The following PALS1 variants were observed in gnomAD, a reference collection of about 807,000 sequenced individuals.
The protein encoded by PALS1 is protein PALS1.
PALS1 carries 31 observed loss-of-function variants against 78.9 expected under a neutral mutation model. The ratio of observed to expected loss-of-function variants is 0.39; its 90% CI spans 0.30 to 0.53. The LOEUF is 0.53. PALS1 is among the 20% of genes least tolerant of loss of function. PALS1 has a pLI of 0.67. For synonymous variants in PALS1, 276 were observed against 270.9 expected, an observed-to-expected ratio of 1.02 and a Z score of -0.18; for missense variants, 704 against 826.5, an observed-to-expected ratio of 0.85 and a Z score of 1.82.
chr14:67,290,994 G>A (rs1340608995), intron 3 of PALS1, among the ~76,000 whole-genome samples: 1 of 152,100 alleles, frequency 6.6e-6, no homozygotes, highest in Non-Finnish European at 1.5e-5. Context: ...AGAAATCTAG[G>A]TAAATATTTT....
Position 67,265,582 on chromosome 14 carries a change from C to T in PALS1, c.-236-4119C>T, listed in dbSNP as rs185044424. On this transcript the variant is annotated intron_variant, in intron 1 of 14. Coordinates refer to ENST00000261681, the MANE Select transcript of PALS1 (RefSeq NM_022474.4). ...TTTAAAAGAAAAATAAAAAAGCCAG[C>T]GCAGTGGCTCACGCCTGTAATCCCA... Among the ~76,000 whole-genome samples, 370 of 151,390 alleles carry T rather than the reference C, an allele frequency of 2.4e-3. 2 individuals are homozygous for T. The highest frequency in any genetic ancestry group is 3.6e-3 in the Non-Finnish European group (243 of 67,852).
At chr14:67,301,363 G>A (rs899213070) in intron 4 of PALS1, 26 bp from the exon 5 acceptor site, 4 of 1,552,432 alleles carry the variant, frequency 2.6e-6, no homozygotes, top group Middle Eastern at 1.7e-4. Flanking sequence ...AATCTAGGAA[G>A]AATAATCTTT....
chr14:67,302,933 T>C (rs184443152), intron 7 of PALS1, among the ~76,000 whole-genome samples: 2 of 152,336 alleles, frequency 1.3e-5, no homozygotes, highest in East Asian at 3.9e-4. Context: ...TATTTTATTA[T>C]CTGTAATTGA....
intron 9 of PALS1, among the ~76,000 whole-genome samples, chr14:67,315,189 G>A (rs1345825881): frequency 4.0e-5 from 6 of 149,558 alleles, no homozygotes; most frequent in Admixed American, 1.3e-4. Flanking sequence ...GTACATCATT[G>A]TAATGTTTTA....
At chr14:67,331,664 A>G (rs1455071724) in intron 14 of PALS1, among the ~76,000 whole-genome samples, 2 of 152,202 alleles carry the variant, frequency 1.3e-5, no homozygotes, top group Non-Finnish European at 2.9e-5. Context: ...AATAAGTGAT[A>G]TAAGCCATTT....
At chr14:67,295,849 C>G (rs2084839663) in intron 4 of PALS1, among the ~76,000 whole-genome samples, 2 of 152,144 alleles carry the variant, frequency 1.3e-5, no homozygotes, top group African/African-American at 4.8e-5. Context: ...CCAGCAATTT[C>G]ACTTGTAGGT....
In PALS1 at chr14:67,321,245, A is replaced by G. The variant is rs767723171; in HGVS notation, c.1726A>G (p.Ser576Gly). Residue 576 changes from serine to glycine, a missense_variant, in exon 13 of 15, where the codon AGT (serine) becomes GGT (glycine). Coordinates refer to ENST00000261681, the MANE Select transcript of PALS1 (RefSeq NM_022474.4). Reference sequence around the variant, plus strand: ...CAACTCTGGCAAAATATGTCTTTTAAGTCTTCGTACACAGGTAAAGCTAGA... The same window carrying G: ...CAACTCTGGCAAAATATGTCTTTTAGGTCTTCGTACACAGGTAAAGCTAGA... ...VINSGKICLLSLRTQSLKTLR... is the reference protein window; with the variant it reads ...VINSGKICLLGLRTQSLKTLR... The G allele has an allele frequency of 6.2e-7, 1 of 1,614,162 alleles. No individual in the cohort carries two copies. Among genetic ancestry groups the G allele is most frequent in the Non-Finnish European group, 8.5e-7 (1 of 1,180,008 alleles).
intron 2 of PALS1, among the ~76,000 whole-genome samples, chr14:67,276,971 T>C (rs1357419873): frequency 6.6e-6 from 1 of 152,230 alleles, no homozygotes; most frequent in Non-Finnish European, 1.5e-5. Flanking sequence ...TTAAATTTGA[T>C]TTTTAATATC....
intron 9 of PALS1, among the ~76,000 whole-genome samples, chr14:67,313,099 C>T (rs2085118200): frequency 6.6e-6 from 1 of 152,118 alleles, no homozygotes; most frequent in Non-Finnish European, 1.5e-5. Context: ...GGAAAAGTAA[C>T]ATCATAGAAT....
At chr14:67,281,177 G>A (rs1446820112) in intron 3 of PALS1, among the ~76,000 whole-genome samples, 1 of 151,748 alleles carries the variant, frequency 6.6e-6, no homozygotes, top group Non-Finnish European at 1.5e-5. Context: ...GATTACAGGT[G>A]TGAGCCACTG....
intron 2 of PALS1, among the ~76,000 whole-genome samples, chr14:67,272,497 A>C (rs2084423914): frequency 6.6e-6 from 1 of 152,218 alleles, no homozygotes; most frequent in African/African-American, 2.4e-5. Flanking sequence ...CACATAAAGA[A>C]GTGCTCAGTA....
chr14:67,281,175 G>T (rs1244311758), intron 3 of PALS1, among the ~76,000 whole-genome samples: 1 of 151,762 alleles, frequency 6.6e-6, no homozygotes, highest in Non-Finnish European at 1.5e-5. Context: ...GGGATTACAG[G>T]TGTGAGCCAC....
chr14:67,319,831 G>A (rs556660505), intron 11 of PALS1, among the ~76,000 whole-genome samples: 12 of 152,270 alleles, frequency 7.9e-5, no homozygotes, highest in East Asian at 3.9e-4. Flanking sequence ...TGTATTCAGC[G>A]TATACATTAT....
Position 67,289,768 on chromosome 14 carries a change from C to CTTTTTT in PALS1, c.368-2743_368-2742insTTTTTT, listed in dbSNP as rs1491090879. ...ACATTGGGAAGATTTTTTTCCATGT[C>CTTTTTT]CTTTTTTTTTTTTTTTTTTTTTGAG... On this transcript the variant is annotated intron_variant, in intron 3 of 14. Transcript: ENST00000261681. Among the ~76,000 whole-genome samples, 39 of 95,478 alleles carry CTTTTTT rather than the reference C, an allele frequency of 4.1e-4. 10 individuals are homozygous for CTTTTTT. Among genetic ancestry groups the CTTTTTT allele is most frequent in the Non-Finnish European group, 4.1e-4 (19 of 46,858 alleles). The allele number at this position is 95,478 out of a possible 152,430, so 62.6% of individuals were successfully genotyped here.
At chr14:67,313,758 A>G (rs146691838) in intron 9 of PALS1, among the ~76,000 whole-genome samples, 14 of 152,136 alleles carry the variant, frequency 9.2e-5, no homozygotes, top group African/African-American at 3.4e-4. Flanking sequence ...TTGAAAGCAT[A>G]TCCATTAACA....
At chr14:67,271,135 C>T (rs1475929753) in intron 2 of PALS1, 1 of 152,164 alleles carries the variant, frequency 6.6e-6, no homozygotes, top group Non-Finnish European at 1.5e-5. Context: ...CTTAATTAAG[C>T]AAACACTTAG....
At chr14:67,325,147 C>A (rs2085332621) in intron 14 of PALS1, among the ~76,000 whole-genome samples, 1 of 151,964 alleles carries the variant, frequency 6.6e-6, no homozygotes, top group Admixed American at 6.6e-5. Flanking sequence ...CCTTGTGATC[C>A]ACCCGCCTTG....
At chr14:67,255,378 CAT>C (rs1483617267) in intron 1 of PALS1, among the ~76,000 whole-genome samples, 20 of 152,238 alleles carry the variant, frequency 1.3e-4, no homozygotes, top group African/African-American at 4.3e-4. Context: ...ATGAACCTGA[CAT>C]ATTTGAAAGT....
intron 3 of PALS1, among the ~76,000 whole-genome samples, chr14:67,286,539 C>T (rs2084690531): frequency 6.6e-6 from 1 of 152,060 alleles, no homozygotes; most frequent in Admixed American, 6.6e-5. Context: ...AAGAATGGAA[C>T]ATTTCTTTGA....
Sources: gnomAD v4.1 joint callset for allele counts (sites outside exome capture counted in the v4.1 genomes callset) on GRCh38, gnomAD v4.1.1 for gene constraint, MANE v1.5 for transcripts, NCBI Gene and HGNC (gene_info 2026-07-23, HGNC 2026-07-21) for gene names.